The following CCM2 variants were observed in gnomAD, a reference collection of about 807,000 sequenced individuals.
CCM2 encodes the protein cerebral cavernous malformations 2 protein.
Under a neutral mutation model 44.9 loss-of-function variants are expected in CCM2, and 25 were observed. The observed-to-expected ratio is 0.56, with a 90% confidence interval of 0.41 to 0.78. CCM2 has a LOEUF of 0.78. CCM2 is among the 30% of genes least tolerant of loss of function. The pLI, the probability that CCM2 is intolerant of heterozygous loss-of-function variation, is 0.00. For missense variants in CCM2, 481 were observed against 580.6 expected (o/e 0.83, Z 1.76); for synonymous variants, 219 against 241.1 (o/e 0.91, Z 0.85).
chr7:45,038,680 G>A (rs1055897673), intron 2 of CCM2, among the ~76,000 whole-genome samples: 1 of 152,202 alleles, frequency 6.6e-6, no homozygotes, highest in Non-Finnish European at 1.5e-5. Context: ...ACTTGGCTGT[G>A]TGAGTAGTAT....
At position 45,073,513 on chromosome 7, in the gene CCM2, T is replaced by C. The variant is rs1352071593; in HGVS notation, c.857T>C (p.Ile286Thr). ...GGTGCATCACCCCACAGCAAGACCA[T>C]CAGTGAGAGCGAGCTGAGCGCCAGC... Reference protein sequence around the residue: ...VGGASPHSKTISESELSASAT... With the variant: ...VGGASPHSKTTSESELSASAT... Residue 286 changes from isoleucine to threonine, a missense_variant, in exon 8 of 10, where the codon ATC (isoleucine) becomes ACC (threonine). Ile to Thr is a moderately conservative substitution (Grantham distance 89). Coordinates refer to ENST00000258781, the MANE Select transcript of CCM2 (RefSeq NM_031443.4). 3.1e-6 allele frequency: 5 copies of C among 1,613,186 alleles called. No homozygotes were observed. In the African/African-American group the frequency reaches 6.7e-5, roughly 22 times the overall value.
chr7:45,065,222 A>G (rs891253528), intron 4 of CCM2, among the ~76,000 whole-genome samples: 2 of 152,202 alleles, frequency 1.3e-5, no homozygotes, highest in Admixed American at 1.3e-4. Flanking sequence ...GTGCTGCCTC[A>G]CTGGACCCAA....
intron 1 of CCM2, among the ~76,000 whole-genome samples, chr7:45,024,838 G>T (rs1796620171): frequency 6.6e-6 from 1 of 152,138 alleles, no homozygotes; most frequent in Non-Finnish European, 1.5e-5. Flanking sequence ...GTTTTGTGAA[G>T]ATGAGTCTAA....
At chr7:45,046,790 G>A (rs1318932997) in intron 2 of CCM2, among the ~76,000 whole-genome samples, 1 of 152,182 alleles carries the variant, frequency 6.6e-6, no homozygotes, top group African/African-American at 2.4e-5. Flanking sequence ...GAAAACATAT[G>A]CTACAGACTG....
chr7:45,038,448 G>C, intron 2 of CCM2, 22 bp downstream of exon 2: 1 of 1,613,166 alleles, frequency 6.2e-7, no homozygotes, highest in Non-Finnish European at 8.5e-7. Flanking sequence ...TGGGCCACAG[G>C]ACGTGCCTGC....
intron 2 of CCM2, among the ~76,000 whole-genome samples, chr7:45,041,449 CA>C (rs760613769): frequency 3.3e-5 from 5 of 152,088 alleles, no homozygotes; most frequent in Non-Finnish European, 5.9e-5. Context: ...GAAAATGACC[CA>C]GTAGTGATTT....
chr7:45,009,795 AATTGCAGAC>A (rs1348695521), intron 1 of CCM2, among the ~76,000 whole-genome samples: 1 of 152,130 alleles, frequency 6.6e-6, no homozygotes, highest in Non-Finnish European at 1.5e-5. Context: ...TTCCTCAATA[AATTGCAGAC>A]ATTGTTTCAC....
intron 1 of CCM2, among the ~76,000 whole-genome samples, chr7:45,011,601 G>T (rs1796070326): frequency 6.6e-6 from 1 of 151,874 alleles, no homozygotes. Context: ...GCCCAGGCTG[G>T]GGTGCAGTGG....
chr7:45,042,475 G>A (rs1797558965), intron 2 of CCM2, among the ~76,000 whole-genome samples: 1 of 151,946 alleles, frequency 6.6e-6, no homozygotes, highest in African/African-American at 2.4e-5. Flanking sequence ...CACTACTAAA[G>A]CCCATCATAG....
chr7:45,074,172 G>A, intron 8 of CCM2, 98 bp from the exon 9 acceptor site: 1 of 1,590,036 alleles, frequency 6.3e-7, no homozygotes, highest in Non-Finnish European at 8.5e-7. Context: ...AGAGACAGCT[G>A]GTGCTCTGGC....
Position 45,075,847 on chromosome 7 carries a change from G to A in CCM2, c.1125G>A (p.Lys375=), listed in dbSNP as rs1583998841. ...ACTTCCTGGAGACCATTGGCGTGAA[G>A]GATGGCCGCGGCATCATCACTGACA... is the stretch of plus-strand genomic sequence containing the variant. ...FENFLETIGV[K]DGRGIITDSF... is the part of the protein sequence containing the mutation. The change falls in exon 10 of 10, where the codon AAG becomes AAA. Residue 375 remains lysine (K), a synonymous_variant. Transcript: ENST00000258781. 1 of 1,613,712 alleles carries A rather than the reference G, an allele frequency of 6.2e-7. No individual in the cohort carries two copies. The highest frequency in any genetic ancestry group is 1.3e-5 in the African/African-American group (1 of 75,046).
chr7:45,072,813 T>C (rs759750318), intron 7 of CCM2, 30 bp downstream of exon 7: 1 of 1,584,740 alleles, frequency 6.3e-7, no homozygotes, highest in South Asian at 1.1e-5. Context: ...AGCCCTGCGG[T>C]GGGACACGCA....
chr7:45,025,534 CTTTTT>C (rs5883920), intron 1 of CCM2, among the ~76,000 whole-genome samples: 3 of 113,264 alleles, frequency 2.6e-5, no homozygotes, highest in African/African-American at 1.1e-4. Context: ...CTCTCTTTTT[CTTTTT>C]TTTTTTTTTT....
At chr7:45,031,042 A>G (rs547105605) in intron 1 of CCM2, among the ~76,000 whole-genome samples, 4 of 152,222 alleles carry the variant, frequency 2.6e-5, no homozygotes, top group African/African-American at 9.6e-5. Flanking sequence ...TTTTTTAACT[A>G]GAACTTTCCT....
intron 2 of CCM2, among the ~76,000 whole-genome samples, chr7:45,039,836 G>A (rs1403089177): frequency 6.6e-6 from 1 of 151,968 alleles, no homozygotes; most frequent in African/African-American, 2.4e-5. Context: ...AGAGCAGCCT[G>A]GCCAACATGG....
chr7:45,074,485 C>T (rs558327316), intron 9 of CCM2, 77 bp downstream of exon 9: 11 of 1,238,790 alleles, frequency 8.9e-6, no homozygotes, highest in South Asian at 7.6e-5. Flanking sequence ...AATGTGCACA[C>T]GGACCCCTCA....
chr7:45,074,498 G>T, intron 9 of CCM2, 90 bp downstream of exon 9: 1 of 1,001,508 alleles, frequency 1.0e-6, no homozygotes, highest in South Asian at 1.4e-5. Flanking sequence ...ACCCCTCAGT[G>T]GGTGCAGCAG....
At chr7:45,009,368 C>A (rs1257514019) in intron 1 of CCM2, among the ~76,000 whole-genome samples, 5 of 146,952 alleles carry the variant, frequency 3.4e-5, no homozygotes, top group African/African-American at 1.3e-4. Context: ...TGAATACTTG[C>A]ACCTAGATTC....
rs1583859028 is a variant in CCM2 at position 45,019,171 on chromosome 7, A to G, written c.30+18808A>G. Among the ~76,000 whole-genome samples the G allele has an allele frequency of 4.0e-5, 6 of 149,844 alleles. No homozygotes were observed. In the Admixed American group the frequency reaches 4.0e-4, roughly 10 times the overall value. On this transcript the variant is annotated intron_variant, in intron 1 of 9. Coordinates refer to ENST00000258781, the MANE Select transcript of CCM2 (RefSeq NM_031443.4). ...CTTGCAACCTCCGCCTCCCGGGTTC[A>G]AGTGATTCTCCTGCCTCAGCCTCCT...
Sources: gnomAD v4.1 joint callset for allele counts (sites outside exome capture counted in the v4.1 genomes callset) on GRCh38, gnomAD v4.1.1 for gene constraint, MANE v1.5 for transcripts, NCBI Gene and HGNC (gene_info 2026-07-23, HGNC 2026-07-21) for gene names.